The following ITPKB variants were observed in gnomAD, a reference collection of about 807,000 sequenced individuals.
The protein encoded by ITPKB is IP3 3-kinase B.
ITPKB carries 13 observed loss-of-function variants against 69.4 expected under a neutral mutation model. The ratio of observed to expected loss-of-function variants is 0.19; its 90% CI spans 0.12 to 0.30. ITPKB has a LOEUF of 0.30. Among genes scored for constraint, ITPKB ranks in the 10% least tolerant of loss-of-function variants. The pLI is 1.00. For missense variants in ITPKB, 1,240 were observed against 1,250.5 expected, an observed-to-expected ratio of 0.99 and a Z score of 0.13; for synonymous variants, 584 against 513.7, an observed-to-expected ratio of 1.14 and a Z score of -1.85.
At position 226,671,912 on chromosome 1, in the gene ITPKB, C is replaced by T. The variant is rs1371701353; in HGVS notation, c.1933-23141G>A. Among the ~76,000 whole-genome samples, 3 of 152,242 alleles carry T rather than the reference C, an allele frequency of 2.0e-5. 1 individual carries two copies. Among genetic ancestry groups the T allele is most frequent in the South Asian group, 4.1e-4 (2 of 4,820 alleles). ...TTCTTGCAGAGTTTTTTAGGCTGTT[C>T]TTAGGACTTCGGATTTTATGTCAGT... On this transcript the variant is annotated intron_variant, in intron 2 of 7. Transcript: ENST00000429204.
At position 226,642,659 on chromosome 1, in the gene ITPKB, T is replaced by G. The variant is rs1158157563; in HGVS notation, c.2247-534A>C. On this transcript the variant is annotated intron_variant, in intron 4 of 7. Coordinates refer to ENST00000429204, the MANE Select transcript of ITPKB (RefSeq NM_002221.4). The surrounding 1 kb of genome is among the most constrained non-coding windows in gnomAD (Gnocchi z 6.4). ...GGGTGTCGGGGGTGGCTGGTCCTGATCCTGCTGCTACGGTGGAGCTAAGAG... is the reference window on the plus strand; with the variant it reads ...GGGTGTCGGGGGTGGCTGGTCCTGAGCCTGCTGCTACGGTGGAGCTAAGAG... Among the ~76,000 whole-genome samples the G allele has an allele frequency of 1.3e-5, 2 of 151,828 alleles. No homozygotes were observed. The highest frequency in any genetic ancestry group is 4.8e-5 in the African/African-American group (2 of 41,310).
chr1:226,662,682 G>A (rs1669422401), intron 2 of ITPKB, among the ~76,000 whole-genome samples: 2 of 152,218 alleles, frequency 1.3e-5, no homozygotes, highest in Admixed American at 1.3e-4. Context: ...CCCACTTAAG[G>A]AATTTCCAAC....
intron 2 of ITPKB, among the ~76,000 whole-genome samples, chr1:226,653,905 G>C (rs1171496678): frequency 3.3e-5 from 5 of 152,212 alleles, no homozygotes; most frequent in Non-Finnish European, 5.9e-5. Flanking sequence ...CTGCTCCTCT[G>C]CAGGCAGGGT....
chr1:226,712,593 C>T (rs757726389), intron 2 of ITPKB, among the ~76,000 whole-genome samples: 3 of 152,270 alleles, frequency 2.0e-5, no homozygotes, highest in Non-Finnish European at 2.9e-5. Flanking sequence ...AGGGAGCGCT[C>T]GGCTGGAAGG....
intron 4 of ITPKB, among the ~76,000 whole-genome samples, chr1:226,644,412 G>T (rs1448886813): frequency 2.0e-5 from 3 of 152,238 alleles, no homozygotes; most frequent in Admixed American, 2.0e-4. Context: ...GCTCCTTTGA[G>T]ACAGGCCAGC....
chr1:226,713,351 G>A (rs1197965956), intron 2 of ITPKB, among the ~76,000 whole-genome samples: 2 of 152,196 alleles, frequency 1.3e-5, no homozygotes, highest in African/African-American at 4.8e-5. Flanking sequence ...GTGGAAACCA[G>A]GTTTGGAGAG....
chr1:226,672,807 C>A (rs1317649058), intron 2 of ITPKB, among the ~76,000 whole-genome samples: 1 of 152,206 alleles, frequency 6.6e-6, no homozygotes, highest in Non-Finnish European at 1.5e-5. Context: ...CTACATAAAT[C>A]CCAGATTTGA....
At chr1:226,718,405 G>A (rs1350087360) in intron 2 of ITPKB, among the ~76,000 whole-genome samples, 1 of 151,966 alleles carries the variant, frequency 6.6e-6, no homozygotes, top group Non-Finnish European at 1.5e-5. Flanking sequence ...ACCAGCCTTG[G>A]CGACACAGCA....
intron 2 of ITPKB, among the ~76,000 whole-genome samples, chr1:226,693,662 T>A (rs1405551507): frequency 6.6e-6 from 1 of 152,242 alleles, no homozygotes; most frequent in Non-Finnish European, 1.5e-5. Context: ...GTTGTAACCA[T>A]CTAAATTGAT....
Position 226,736,108 on chromosome 1 carries a change from C to T in ITPKB, c.1351G>A (p.Gly451Ser), listed in dbSNP as rs756763486. Residue 451 changes from glycine (G) to serine (S), a missense_variant, in exon 2 of 8, where the codon GGC becomes AGC. Transcript: ENST00000429204. ...GCTGAGGGGCTGCCCCCAAGCAAGC[C>T]CAGCGTTGGGGACCCTCCCTCCACT... ...DRVEGGSPTL[G>S]LLGGSPSAQP... The T allele has an allele frequency of 1.2e-6, 2 of 1,603,566 alleles. No individual in the cohort carries two copies. The highest frequency in any genetic ancestry group is 2.2e-5 in the South Asian group (2 of 89,988).
In ITPKB at chr1:226,738,264, C is replaced by A. The variant is rs1440266304; in HGVS notation, c.-205-601G>T. ...CGCCGTTTACCTTCCTGACCCTAGC[C>A]TTGGGGCTGTGTCTCTCGGCCTACG... On this transcript the variant is annotated intron_variant, in intron 1 of 7. Coordinates refer to ENST00000429204, the MANE Select transcript of ITPKB (RefSeq NM_002221.4). The surrounding 1 kb of genome is among the most constrained non-coding windows in gnomAD (Gnocchi z 4.2). Among the ~76,000 whole-genome samples, 1 of 152,336 alleles carries A rather than the reference C, an allele frequency of 6.6e-6. No individual in the cohort carries two copies. The highest frequency in any genetic ancestry group is 1.9e-4 in the East Asian group (1 of 5,170).
intron 2 of ITPKB, among the ~76,000 whole-genome samples, chr1:226,649,206 C>T (rs1264478822): frequency 6.6e-6 from 1 of 151,866 alleles, no homozygotes; most frequent in Non-Finnish European, 1.5e-5. Context: ...AAGCCCACAG[C>T]TCTCTCCTCT....
intron 2 of ITPKB, among the ~76,000 whole-genome samples, chr1:226,694,937 A>G (rs1176112795): frequency 1.3e-5 from 2 of 152,236 alleles, no homozygotes; most frequent in South Asian, 4.1e-4. Context: ...CTCTTTCAAA[A>G]AGCTGGAAGG....
chr1:226,735,323 A>G (rs1468426131), intron 2 of ITPKB, among the ~76,000 whole-genome samples: 1 of 152,218 alleles, frequency 6.6e-6, no homozygotes, highest in Non-Finnish European at 1.5e-5. Flanking sequence ...ACTCAGATTC[A>G]CTGTCCAAGC....
At chr1:226,686,808 C>G (rs2102777865) in intron 2 of ITPKB, among the ~76,000 whole-genome samples, 1 of 152,324 alleles carries the variant, frequency 6.6e-6, no homozygotes, top group South Asian at 2.1e-4. Flanking sequence ...CCTGGGGTGC[C>G]AAGTGTGCAC....
intron 2 of ITPKB, among the ~76,000 whole-genome samples, chr1:226,730,947 G>C (rs1272446274): frequency 6.6e-6 from 1 of 152,170 alleles, no homozygotes; most frequent in Non-Finnish European, 1.5e-5. Flanking sequence ...CGACTGACTG[G>C]TTTAATGTTT....
Position 226,737,405 on chromosome 1 carries a change from G to C in ITPKB, c.54C>G (p.Asn18Lys). The C allele has an allele frequency of 6.2e-7, 1 of 1,611,346 alleles. No homozygotes were observed. Among genetic ancestry groups the C allele is most frequent in the Non-Finnish European group, 8.5e-7 (1 of 1,179,606 alleles). The change falls in exon 2 of 8, where the codon AAC (asparagine) becomes AAG (lysine). Residue 18 changes from asparagine (N) to lysine (K), a missense_variant. Physicochemically the swap from Asn to Lys is moderately conservative, Grantham distance 94. Around this residue, in one of 2 missense-constraint regions of ITPKB, gnomAD observed 992 missense variants for 853.8 expected, o/e 1.16. Transcript: ENST00000429204. ...CCGGGCCGCCGCCGCTCTTCATCTC[G>C]TTGGCGCTATTCATGATCACCAGGC... ...LNSLVIMNSA[N>K]EMKSGGGPGP...
chr1:226,642,573 C>T lies in ITPKB; in HGVS notation c.2247-448G>A, dbSNP rs959217417. ...CTGGCCTCACAAAGCCCAAGGAGCT[C>T]CTCCTCGGGAGACCCCCACAGGAAC... On this transcript the variant is annotated intron_variant, in intron 4 of 7. Coordinates refer to ENST00000429204, the MANE Select transcript of ITPKB (RefSeq NM_002221.4). The surrounding 1 kb of genome is among the most constrained non-coding windows in gnomAD (Gnocchi z 6.4). Among the ~76,000 whole-genome samples, 1 of 152,040 alleles carries T rather than the reference C, an allele frequency of 6.6e-6. No individual in the cohort carries two copies. Among genetic ancestry groups the T allele is most frequent in the Non-Finnish European group, 1.5e-5 (1 of 68,006 alleles).
intron 2 of ITPKB, among the ~76,000 whole-genome samples, chr1:226,714,778 T>C (rs1393681959): frequency 6.6e-6 from 1 of 152,256 alleles, no homozygotes; most frequent in Non-Finnish European, 1.5e-5. Flanking sequence ...ACTGTAAACA[T>C]GCTTATTCTC....
Sources: allele counts gnomAD v4.1 joint callset (sites outside exome capture counted in the v4.1 genomes callset), GRCh38; gene constraint gnomAD v4.1.1; regional missense constraint gnomAD v4.1.1; non-coding constraint Gnocchi (gnomAD v3.1); transcripts MANE v1.5; gene names NCBI Gene and HGNC (gene_info 2026-07-23, HGNC 2026-07-21).